DRAM1: variants seen among roughly 807,000 people sequenced by gnomAD.
The protein encoded by DRAM1 is DNA damage regulated autophagy modulator 1.
Under a neutral mutation model 28.5 loss-of-function variants are expected in DRAM1, and 25 were observed. That is an observed-to-expected ratio of 0.88 (90% CI 0.64 to 1.23). DRAM1 has a LOEUF of 1.23. DRAM1 is among the 50% of genes most tolerant of loss of function. The pLI is 0.00. For missense variants in DRAM1, 249 were observed against 299.2 expected (o/e 0.83, Z 1.24); for synonymous variants, 113 against 114.2 (o/e 0.99, Z 0.07).
chr12:101,901,683 C>A, intron 3 of DRAM1: 1 of 406,024 alleles, frequency 2.5e-6, no homozygotes, highest in Non-Finnish European at 4.4e-6. Flanking sequence ...AGTTCAAGAC[C>A]AGTCTGGCCA....
At chr12:101,889,451 AGAGACGAGAT>A (rs1378163448) in intron 1 of DRAM1, among the ~76,000 whole-genome samples, 3 of 151,238 alleles carry the variant, frequency 2.0e-5, no homozygotes, top group South Asian at 2.1e-4. Flanking sequence ...AGACAAGAAA[AGAGACGAGAT>A]GAGACGAGAT....
intron 1 of DRAM1, among the ~76,000 whole-genome samples, chr12:101,881,125 A>G (rs570552898): frequency 1.3e-5 from 2 of 152,284 alleles, no homozygotes; most frequent in East Asian, 3.9e-4. Flanking sequence ...CTAAAAATAT[A>G]TAAAATTAGC....
intron 1 of DRAM1, among the ~76,000 whole-genome samples, chr12:101,878,886 G>A (rs141061730): frequency 2.6e-4 from 40 of 151,862 alleles, no homozygotes; most frequent in Middle Eastern, 3.4e-3. Flanking sequence ...GCAATGTTCT[G>A]TGTTTTTTTG....
chr12:101,915,122 G>A (rs1220227395), intron 5 of DRAM1, among the ~76,000 whole-genome samples: 2 of 151,932 alleles, frequency 1.3e-5, no homozygotes, highest in African/African-American at 4.8e-5. Flanking sequence ...TGGGACTATA[G>A]GCGCCTGCCA....
chr12:101,920,079 C>T (rs758998422), intron 5 of DRAM1, 30 bp from the exon 6 acceptor site: 1 of 1,510,590 alleles, frequency 6.6e-7, no homozygotes, highest in Middle Eastern at 1.7e-4. Flanking sequence ...TCTTTTTCGG[C>T]TAAATTCTGT....
intron 2 of DRAM1, among the ~76,000 whole-genome samples, chr12:101,900,236 G>T (rs561836957): frequency 6.6e-6 from 1 of 152,188 alleles, no homozygotes; most frequent in South Asian, 2.1e-4. Context: ...AAAACCAATT[G>T]CAATTTAATA....
In DRAM1 at chr12:101,904,542, C is replaced by T. The variant is rs548547623; in HGVS notation, c.342+3109C>T. On this transcript the variant is annotated intron_variant, in intron 3 of 6. Transcript: ENST00000258534. ...CTACAAGCTCTGCCTCCCGAGTTCA[C>T]GCCATTCTCCTGCCTCAGCCTCCCA... 5.5e-5 allele frequency among the ~76,000 whole-genome samples: 8 copies of T among 146,038 alleles called. No homozygotes were observed. In the South Asian group the frequency reaches 1.1e-3, roughly 21 times the overall value.
chr12:101,918,802 G>T (rs1026298685), intron 5 of DRAM1, among the ~76,000 whole-genome samples: 2 of 152,148 alleles, frequency 1.3e-5, no homozygotes, highest in Non-Finnish European at 2.9e-5. Context: ...AGAGCAGAAA[G>T]TGACGTAGGA....
intron 1 of DRAM1, among the ~76,000 whole-genome samples, chr12:101,892,906 A>AT (rs1401824719): frequency 6.6e-6 from 1 of 152,176 alleles, no homozygotes; most frequent in African/African-American, 2.4e-5. Flanking sequence ...AAAGAAAAAA[A>AT]CTTTGAAAAG....
At chr12:101,904,523 G>T (rs921423293) in intron 3 of DRAM1, among the ~76,000 whole-genome samples, 8 of 128,382 alleles carry the variant, frequency 6.2e-5, no homozygotes, top group African/African-American at 2.0e-4. Context: ...CTCACTACAA[G>T]CTCTGCCTCC....
intron 2 of DRAM1, among the ~76,000 whole-genome samples, chr12:101,899,433 A>G (rs1280823213): frequency 6.6e-6 from 1 of 152,108 alleles, no homozygotes; most frequent in African/African-American, 2.4e-5. Flanking sequence ...AAGCAGGAGG[A>G]TCTGTTGAGC....
intron 1 of DRAM1, among the ~76,000 whole-genome samples, chr12:101,889,466 C>T (rs969205562): frequency 5.4e-5 from 7 of 130,088 alleles, no homozygotes; most frequent in African/African-American, 1.4e-4. Context: ...CGAGATGAGA[C>T]GAGATGAGAA....
intron 1 of DRAM1, among the ~76,000 whole-genome samples, chr12:101,883,975 A>C (rs1248458044): frequency 1.3e-5 from 2 of 151,886 alleles, no homozygotes; most frequent in Non-Finnish European, 2.9e-5. Flanking sequence ...AAAACATGGG[A>C]CCAACCACCG....
rs568926489 is a variant in DRAM1 at position 101,910,964 on chromosome 12, G to A, written c.520+2601G>A. On this transcript the variant is annotated intron_variant, in intron 4 of 6. Transcript: ENST00000258534. ...CAGCATCTTTAAATAGGCTAGGTGC[G>A]GTGACTCACACCTGTAATCCCAGCA... is the stretch of plus-strand genomic sequence containing the variant. Among the ~76,000 whole-genome samples the A allele has an allele frequency of 9.9e-5, 15 of 151,992 alleles. No homozygotes were observed. The South Asian group carries it at 1.7e-3, about 17-fold the overall frequency.
At position 101,921,980 on chromosome 12, in the gene DRAM1, A is replaced by G. The variant is rs544184356; in HGVS notation, c.*720A>G. 2.6e-5 allele frequency: 4 copies of G among 152,304 alleles called. No individual in the cohort carries two copies. Among genetic ancestry groups the G allele is most frequent in the African/African-American group, 9.6e-5 (4 of 41,554 alleles). The allele number at this position is 152,304 out of a possible 1,614,324, so 9.4% of individuals were successfully genotyped here. A position where few individuals can be genotyped will look rare whatever the true frequency, so the allele number is the denominator to read the frequency against. On this transcript the variant is annotated 3_prime_UTR_variant, in exon 7 of 7. Transcript: ENST00000258534. ...TAATTGCCCATTCGTAGTGGGTGTAATGCCAGGTGGAATGGTTTCAACAAG... is the reference window on the plus strand; with the variant it reads ...TAATTGCCCATTCGTAGTGGGTGTAGTGCCAGGTGGAATGGTTTCAACAAG...
rs1475353764 is a variant in DRAM1, at chr12:101,882,872, G to C, written c.131+4952G>C. Among the ~76,000 whole-genome samples, 2 of 138,160 alleles carry C rather than the reference G, an allele frequency of 1.4e-5. 1 individual carries two copies. The highest frequency in any genetic ancestry group is 4.9e-4 in the East Asian group (2 of 4,094). The allele number at this position is 138,160 out of a possible 152,430, so 90.6% of individuals were successfully genotyped here. On this transcript the variant is annotated intron_variant, in intron 1 of 6. Coordinates refer to ENST00000258534, the MANE Select transcript of DRAM1 (RefSeq NM_018370.3). ...TTTTTTTTTTGAAATTTATCCTATA[G>C]GTGTACATGCCCATGTGAAGAATGG...
At chr12:101,881,323 T>C (rs915040522) in intron 1 of DRAM1, among the ~76,000 whole-genome samples, 1 of 151,008 alleles carries the variant, frequency 6.6e-6, no homozygotes, top group Non-Finnish European at 1.5e-5. Flanking sequence ...TAACTCTACA[T>C]TTATCTACTG....
chr12:101,903,723 A>T (rs770254363), intron 3 of DRAM1, among the ~76,000 whole-genome samples: 3 of 152,150 alleles, frequency 2.0e-5, no homozygotes, highest in Non-Finnish European at 4.4e-5. Context: ...GAGGTGATTG[A>T]TATGTTAATT....
chr12:101,900,848 T>C (rs1873574164), intron 2 of DRAM1, among the ~76,000 whole-genome samples: 1 of 152,150 alleles, frequency 6.6e-6, no homozygotes, highest in East Asian at 1.9e-4. Context: ...GGCGTGTTGT[T>C]TGTAGCAGGA....
Sources: allele counts gnomAD v4.1 joint callset (sites outside exome capture counted in the v4.1 genomes callset), GRCh38; gene constraint gnomAD v4.1.1; transcripts MANE v1.5; gene names NCBI Gene and HGNC (gene_info 2026-07-23, HGNC 2026-07-21).